The following KIAA1217 variants were observed in gnomAD, a reference collection of about 807,000 sequenced individuals.
KIAA1217 encodes the protein KIAA1217.
KIAA1217 carries 88 observed loss-of-function variants against 163.9 expected under a neutral mutation model. The ratio of observed to expected loss-of-function variants is 0.54; its 90% CI spans 0.45 to 0.64. The LOEUF (loss-of-function observed/expected upper bound fraction) is 0.64. KIAA1217 is among the 30% of genes least tolerant of loss of function. The pLI is 0.00. For missense variants in KIAA1217, 2,372 were observed against 2,475.0 expected, an observed-to-expected ratio of 0.96 and a Z score of 0.88; for synonymous variants, 903 against 923.1, an observed-to-expected ratio of 0.98 and a Z score of 0.39.
chr10:24,293,168 G>A (rs536010208), intron 2 of KIAA1217, among the ~76,000 whole-genome samples: 31 of 152,204 alleles, frequency 2.0e-4, no homozygotes, highest in African/African-American at 5.3e-4. Flanking sequence ...TCAGCCTCCC[G>A]AGTAGCTGGG....
intron 1 of KIAA1217, among the ~76,000 whole-genome samples, chr10:23,734,085 A>G (rs1477606528): frequency 6.6e-6 from 1 of 152,066 alleles, no homozygotes. Context: ...CTTTATTATT[A>G]TAATGCCAAC....
chr10:24,476,169 G>T (rs1017273351), intron 6 of KIAA1217, among the ~76,000 whole-genome samples: 1 of 152,234 alleles, frequency 6.6e-6, no homozygotes, highest in Non-Finnish European at 1.5e-5. Context: ...AAAATTTTTG[G>T]CCAACCAAAG....
chr10:24,276,955 C>T (rs2077373196), intron 2 of KIAA1217, among the ~76,000 whole-genome samples: 1 of 152,054 alleles, frequency 6.6e-6, no homozygotes, highest in Admixed American at 6.6e-5. Flanking sequence ...GATGGGGTCT[C>T]CCCGTGTTGC....
intron 1 of KIAA1217, among the ~76,000 whole-genome samples, chr10:23,961,075 A>G (rs1035303897): frequency 2.0e-5 from 3 of 152,196 alleles, no homozygotes; most frequent in African/African-American, 7.2e-5. Flanking sequence ...TCCATAAAAC[A>G]CTTTAAAGGT....
rs1341497891 is a variant in KIAA1217, at chr10:24,546,193, GCCT to G, written c.5707_5709del (p.Ser1903del). ...ATTTTCCTCCTCCCCTCCTTCTCCT[GCCT>G]CCTCCGTCTCACTGAATCAAGGTGC... On this transcript the variant is annotated inframe_deletion, in exon 21 of 21. Transcript: ENST00000376454. 4 of 1,613,888 alleles carry G rather than the reference GCCT, an allele frequency of 2.5e-6. No individual in the cohort carries two copies. Among genetic ancestry groups the G allele is most frequent in the Non-Finnish European group, 3.4e-6 (4 of 1,180,016 alleles).
In KIAA1217 at chr10:23,781,182, T is replaced by G. The variant is rs527587567; in HGVS notation, c.-321+85948T>G. 1.7e-4 allele frequency among the ~76,000 whole-genome samples: 26 copies of G among 152,352 alleles called. 1 individual carries two copies. In the South Asian group the frequency reaches 5.2e-3, roughly 30 times the overall value. ...TGTTTTTAACTTTTTGAGGAACCTC[T>G]AAACTGTTTTCCATAATAGCTACAC... On this transcript the variant is annotated intron_variant, in intron 1 of 18. Transcript: ENST00000376462.
intron 1 of KIAA1217, among the ~76,000 whole-genome samples, chr10:23,799,488 C>T (rs1448260683): frequency 6.6e-6 from 1 of 152,166 alleles, no homozygotes; most frequent in Non-Finnish European, 1.5e-5. Flanking sequence ...TTTCCATTTT[C>T]CTTTGATTTT....
intron 2 of KIAA1217, among the ~76,000 whole-genome samples, chr10:24,122,452 G>C (rs554592404): frequency 6.6e-6 from 1 of 152,064 alleles, no homozygotes; most frequent in Non-Finnish European, 1.5e-5. Context: ...GTGCTGTGAC[G>C]ATATGTTCAA....
intron 17 of KIAA1217, among the ~76,000 whole-genome samples, chr10:24,539,208 A>T (rs559803696): frequency 1.3e-5 from 2 of 152,104 alleles, no homozygotes; most frequent in South Asian, 4.2e-4. Context: ...TTATTGTCTC[A>T]TTGTAGAATT....
At chr10:24,101,030 A>G (rs778904756) in intron 2 of KIAA1217, among the ~76,000 whole-genome samples, 30 of 152,332 alleles carry the variant, frequency 2.0e-4, no homozygotes, top group Non-Finnish European at 3.8e-4. Flanking sequence ...GCTGCTTTTT[A>G]TGGTGTTTCT....
chr10:23,718,837 G>A (rs1255349346), intron 1 of KIAA1217, among the ~76,000 whole-genome samples: 2 of 149,904 alleles, frequency 1.3e-5, no homozygotes, highest in African/African-American at 5.0e-5. Context: ...AGGGATTGAG[G>A]GAGGGAGGGA....
chr10:24,300,756 G>T (rs1316742710), intron 2 of KIAA1217, among the ~76,000 whole-genome samples: 1 of 151,942 alleles, frequency 6.6e-6, no homozygotes, highest in East Asian at 1.9e-4. Context: ...TAGTAGAGAT[G>T]GGGTTTCACC....
Position 24,259,064 on chromosome 10 carries a change from C to T in KIAA1217, c.354+39155C>T, listed in dbSNP as rs574748027. On this transcript the variant is annotated intron_variant, in intron 2 of 20. Coordinates refer to ENST00000376454, the MANE Select transcript of KIAA1217 (RefSeq NM_019590.5). ...AAGGAGAGAGGTTAAGCTGCTTCTA[C>T]CCTGTTCAACTGTGATGAGATTCCA... 2.0e-5 allele frequency among the ~76,000 whole-genome samples: 3 copies of T among 152,216 alleles called. No individual in the cohort carries two copies. The South Asian group carries it at 6.2e-4, about 32-fold the overall frequency.
chr10:24,094,131 A>G (rs1052376211), intron 2 of KIAA1217, among the ~76,000 whole-genome samples: 4 of 152,110 alleles, frequency 2.6e-5, no homozygotes, highest in African/African-American at 9.7e-5. Context: ...GTGTCTTTAT[A>G]GCAGCATGAT....
At chr10:24,365,828 T>C (rs10828638) in intron 2 of KIAA1217, among the ~76,000 whole-genome samples, 17,834 of 152,202 alleles carry the variant, frequency 0.12, 1,302 homozygotes, top group African/African-American at 0.2. Flanking sequence ...AAGTGTTCTT[T>C]TTCTTCTAGT....
chr10:24,365,808 A>G (rs1025788959), intron 2 of KIAA1217, among the ~76,000 whole-genome samples: 1 of 152,106 alleles, frequency 6.6e-6, no homozygotes, highest in East Asian at 1.9e-4. Flanking sequence ...GAGTGTAGCC[A>G]TCTGTGTTCA....
chr10:24,259,556 G>A (rs919515198), intron 2 of KIAA1217, among the ~76,000 whole-genome samples: 2 of 152,196 alleles, frequency 1.3e-5, no homozygotes, highest in East Asian at 1.9e-4. Context: ...TTGCAGATGC[G>A]ATGAGCTATG....
intron 2 of KIAA1217, among the ~76,000 whole-genome samples, chr10:24,117,183 A>G (rs1200713723): frequency 6.6e-6 from 1 of 151,968 alleles, no homozygotes; most frequent in Non-Finnish European, 1.5e-5. Flanking sequence ...GATTACAGGC[A>G]TGTACCACCA....
intron 1 of KIAA1217, among the ~76,000 whole-genome samples, chr10:23,790,565 G>GTA (rs1406356027): frequency 1.4e-5 from 1 of 72,000 alleles, no homozygotes; most frequent in Non-Finnish European, 2.5e-5. Flanking sequence ...ATGTACATAT[G>GTA]TATATATACA....
Sources: gnomAD v4.1 joint callset for allele counts (sites outside exome capture counted in the v4.1 genomes callset) on GRCh38, gnomAD v4.1.1 for gene constraint, MANE v1.5 for transcripts, NCBI Gene and HGNC (gene_info 2026-07-23, HGNC 2026-07-21) for gene names.